C4orf50: variants seen among roughly 807,000 people sequenced by gnomAD.
C4orf50 encodes chromosome 4 open reading frame 50.
In C4orf50, 80 loss-of-function variants were observed where a neutral mutation model predicts 77.2. The ratio of observed to expected loss-of-function variants is 1.04; its 90% CI spans 0.87 to 1.25. The LOEUF (loss-of-function observed/expected upper bound fraction) is 1.25. Among genes scored for constraint, C4orf50 ranks in the 50% most tolerant of loss-of-function variants. The probability of loss-of-function intolerance (pLI) is 0.00; values close to 1 mark genes in which losing one functional copy is unlikely to be tolerated. For synonymous variants in C4orf50, 532 were observed against 465.3 expected, an observed-to-expected ratio of 1.14 and a Z score of -1.84; for missense variants, 1,257 against 1,152.9, an observed-to-expected ratio of 1.09 and a Z score of -1.31.
chr4:5,942,965 C>T (rs1270299029), intron 7 of C4orf50, among the ~76,000 whole-genome samples: 1 of 152,086 alleles, frequency 6.6e-6, no homozygotes, highest in Non-Finnish European at 1.5e-5. Flanking sequence ...TTTCCAAATT[C>T]ACTCAAATAC....
intron 33 of C4orf50, among the ~76,000 whole-genome samples, chr4:5,961,258 T>C (rs1313410675): frequency 6.6e-6 from 1 of 152,182 alleles, no homozygotes; most frequent in Non-Finnish European, 1.5e-5. Context: ...GAGGTTGCAG[T>C]GAGCCGAGAT....
intron 31 of C4orf50, among the ~76,000 whole-genome samples, chr4:5,973,122 G>T (rs1325045168): frequency 6.6e-6 from 1 of 152,198 alleles, no homozygotes; most frequent in Non-Finnish European, 1.5e-5. Flanking sequence ...CATCGGAGAT[G>T]GGCCCACAAA....
At position 5,905,456 on chromosome 4, in the gene C4orf50, T is replaced by G. The variant is rs576880733; in HGVS notation, c.*2475-7268A>C. 1.3e-5 allele frequency: 2 copies of G among 152,306 alleles called. No homozygotes were observed. Among genetic ancestry groups the G allele is most frequent in the African/African-American group, 4.8e-5 (2 of 41,562 alleles). The allele number at this position is 152,306 out of a possible 1,614,324, so 9.4% of individuals were successfully genotyped here. ...CCCTGTGCTGTCTTCCTTCCTGCAA[T>G]GACAAAATCAGGGAAACAGGTTCTT... On this transcript the variant is annotated intron_variant, in intron 7 of 7. Coordinates refer to the C4orf50 transcript ENST00000324058. The surrounding 1 kb of genome is among the most constrained non-coding windows in gnomAD (Gnocchi z 5.4).
At chr4:5,956,665 G>A (rs1341288490), downstream of C4orf50, 1 of 152,308 alleles carries the variant, frequency 6.6e-6, no homozygotes, top group Non-Finnish European at 1.5e-5. Flanking sequence ...ACGCCGAGGT[G>A]GGGCTCCTTT....
exon 28 of C4orf50, chr4:5,989,410 T>C: frequency 1.3e-6 from 2 of 1,536,110 alleles, no homozygotes; most frequent in Non-Finnish European, 1.7e-6. Flanking sequence ...CTTTCCCGGC[T>C]TATCACCTTC....
At chr4:5,949,009 C>T (rs1412883734) in intron 7 of C4orf50, among the ~76,000 whole-genome samples, 1 of 150,890 alleles carries the variant, frequency 6.6e-6, no homozygotes, top group Non-Finnish European at 1.5e-5. Flanking sequence ...AGACATTTGC[C>T]CCTGATGGAA....
intron 7 of C4orf50, among the ~76,000 whole-genome samples, chr4:5,934,521 T>G (rs1268770817): frequency 1.3e-5 from 2 of 152,080 alleles, no homozygotes; most frequent in Non-Finnish European, 2.9e-5. Flanking sequence ...CTTTTCTCTG[T>G]GTCCTGCCAC....
chr4:6,016,486 T>A (rs1200600674), intron 23 of C4orf50, among the ~76,000 whole-genome samples: 1 of 152,156 alleles, frequency 6.6e-6, no homozygotes, highest in Non-Finnish European at 1.5e-5. Context: ...GAGGTGGGGT[T>A]TGCAGTGAGC....
intron 23 of C4orf50, among the ~76,000 whole-genome samples, chr4:6,013,756 C>G (rs1361468736): frequency 6.6e-6 from 1 of 152,158 alleles, no homozygotes; most frequent in Non-Finnish European, 1.5e-5. Flanking sequence ...GAATGCAGCT[C>G]TAGACCTGGA....
At chr4:5,940,966 C>A (rs1016675880) in intron 7 of C4orf50, among the ~76,000 whole-genome samples, 27 of 152,290 alleles carry the variant, frequency 1.8e-4, no homozygotes, top group Middle Eastern at 3.4e-3. Context: ...GACTACTCAG[C>A]CCCAGTAGAA....
At chr4:5,959,811 A>C (rs1719173420) in intron 33 of C4orf50, among the ~76,000 whole-genome samples, 185 bp from the exon 12 acceptor site, 1 of 152,238 alleles carries the variant, frequency 6.6e-6, no homozygotes, top group Non-Finnish European at 1.5e-5. Flanking sequence ...TCAGTGAGAC[A>C]CATGCTGTCA....
intron 7 of C4orf50, among the ~76,000 whole-genome samples, chr4:5,945,106 G>A (rs1718426349): frequency 6.6e-6 from 1 of 152,192 alleles, no homozygotes; most frequent in African/African-American, 2.4e-5. Flanking sequence ...CGTGCATGGG[G>A]AGGTGCCTTG....
intron 26 of C4orf50, among the ~76,000 whole-genome samples, chr4:5,993,608 G>T (rs1721412728): frequency 6.6e-6 from 1 of 152,124 alleles, no homozygotes; most frequent in Admixed American, 6.5e-5. Flanking sequence ...CATAAGGCCA[G>T]GAGTTCACGA....
intron 7 of C4orf50, among the ~76,000 whole-genome samples, chr4:5,935,836 G>T (rs985821888): frequency 2.6e-5 from 3 of 116,714 alleles, no homozygotes; most frequent in African/African-American, 9.6e-5. Context: ...ATTACAAAAC[G>T]CCCAAGAAAA....
At chr4:5,935,528 C>A (rs1717969051) in intron 7 of C4orf50, among the ~76,000 whole-genome samples, 1 of 152,172 alleles carries the variant, frequency 6.6e-6, no homozygotes, top group Admixed American at 6.5e-5. Flanking sequence ...TGGCTCATGA[C>A]TGTGATCCCA....
At chr4:5,920,975 C>A (rs929984064) in intron 7 of C4orf50, among the ~76,000 whole-genome samples, 1 of 142,216 alleles carries the variant, frequency 7.0e-6, no homozygotes, top group Non-Finnish European at 1.6e-5. Flanking sequence ...GTGGCAGGAG[C>A]AGTGGACAGT....
intron 7 of C4orf50, among the ~76,000 whole-genome samples, chr4:5,914,569 A>G (rs1469280520): frequency 6.6e-6 from 1 of 152,144 alleles, no homozygotes; most frequent in Non-Finnish European, 1.5e-5. Flanking sequence ...TAATAAGCAT[A>G]CATCACTTAA....
At chr4:5,981,500 G>A (rs1440782274) in intron 28 of C4orf50, among the ~76,000 whole-genome samples, 1 of 151,370 alleles carries the variant, frequency 6.6e-6, no homozygotes, top group Non-Finnish European at 1.5e-5. Flanking sequence ...CGCCTCCCAG[G>A]TTCAAGCGAT....
At chr4:5,988,761 C>A in exon 28 of C4orf50, 6 of 1,536,096 alleles carry the variant, frequency 3.9e-6, no homozygotes, top group Non-Finnish European at 5.2e-6. Context: ...GGACATGGAC[C>A]CTGCGTAGAA....
Sources: gnomAD v4.1 joint callset for allele counts (sites outside exome capture counted in the v4.1 genomes callset) on GRCh38, gnomAD v4.1.1 for gene constraint, Gnocchi (gnomAD v3.1) non-coding constraint, MANE v1.5 for transcripts, NCBI Gene and HGNC (gene_info 2026-07-23, HGNC 2026-07-21) for gene names.